PDE8B: variants seen among roughly 807,000 people sequenced by gnomAD.
PDE8B encodes the protein high affinity cAMP-specific and IBMX-insensitive 3',5'-cyclic phosphodiesterase 8B.
Under a neutral mutation model 101.3 loss-of-function variants are expected in PDE8B, and 26 were observed. The ratio of observed to expected loss-of-function variants is 0.26; its 90% CI spans 0.19 to 0.36. PDE8B has a LOEUF of 0.36. Among genes scored for constraint, PDE8B ranks in the 10% least tolerant of loss-of-function variants. The pLI is 1.00. For missense variants in PDE8B, 810 were observed against 1,163.1 expected, an observed-to-expected ratio of 0.70 and a Z score of 4.42; for synonymous variants, 424 against 429.3, an observed-to-expected ratio of 0.99 and a Z score of 0.15.
intron 11 of PDE8B, among the ~76,000 whole-genome samples, chr5:77,403,594 T>C (rs1449311118): frequency 2.0e-5 from 3 of 152,118 alleles, no homozygotes; most frequent in Non-Finnish European, 4.4e-5. Context: ...CTATTATTTA[T>C]AGATAATTTT....
chr5:77,174,223 G>A, the PDE8B span, among the ~76,000 whole-genome samples: 1,313 of 152,132 alleles, frequency 8.6e-3, 13 homozygotes, highest in African/African-American at 0.029. Context: ...TCCTTCCTGG[G>A]TGTCAACACA....
At chr5:77,266,775 G>A (rs765311345) in intron 1 of PDE8B, among the ~76,000 whole-genome samples, 28 of 152,188 alleles carry the variant, frequency 1.8e-4, no homozygotes, top group Non-Finnish European at 3.7e-4. Context: ...TCAACTGTAT[G>A]TCTTTTTCTG....
the PDE8B span, among the ~76,000 whole-genome samples, chr5:77,177,927 G>T: frequency 0.012 from 1,784 of 152,248 alleles, 10 homozygotes; most frequent in Middle Eastern, 0.044. Context: ...GTTGACTGTG[G>T]GTCACTGAAT....
the PDE8B span, chr5:77,147,056 C>T: frequency 4.6e-6 from 2 of 437,064 alleles, no homozygotes; most frequent in Non-Finnish European, 8.9e-6. Context: ...TTGCCTCATA[C>T]TGAGCTAAAG....
chr5:77,229,807 A>G (rs1753176784), intron 1 of PDE8B, among the ~76,000 whole-genome samples: 1 of 152,216 alleles, frequency 6.6e-6, no homozygotes, highest in Non-Finnish European at 1.5e-5. Context: ...ATTTCATTGT[A>G]TGGATATACT....
At chr5:77,291,128 TC>T in intron 1 of PDE8B, 1 of 1,610,990 alleles carries the variant, frequency 6.2e-7, no homozygotes, top group South Asian at 1.1e-5. Context: ...GCTTAGTTGT[TC>T]CATCAGCTCT....
chr5:77,344,864 C>T lies in PDE8B; in HGVS notation c.809C>T (p.Ser270Leu). 6.2e-7 allele frequency: 1 copy of T among 1,600,626 alleles called. No individual in the cohort carries two copies. The highest frequency in any genetic ancestry group is 8.6e-7 in the Non-Finnish European group (1 of 1,167,706). Reference protein sequence around the residue: ...RSQFKLRACNSVFTALDHCHE... With the variant: ...RSQFKLRACNLVFTALDHCHE... Reference sequence around the variant, plus strand: ...TTTATAACTTTCAGGGCCTGTAATTCAGTGTTTACAGCATTAGATCACTGT... The same window carrying T: ...TTTATAACTTTCAGGGCCTGTAATTTAGTGTTTACAGCATTAGATCACTGT... Residue 270 changes from serine (S) to leucine (L), a missense_variant, in exon 7 of 22, where the codon TCA (serine) becomes TTA (leucine). Transcript: ENST00000264917.
At chr5:77,204,459 A>G in the PDE8B span, among the ~76,000 whole-genome samples, 34 of 152,118 alleles carry the variant, frequency 2.2e-4, no homozygotes, top group Admixed American at 7.2e-4. Context: ...AAACAACAAT[A>G]TTTTTTGCAA....
intron 1 of PDE8B, among the ~76,000 whole-genome samples, chr5:77,227,472 G>A (rs543490153): frequency 4.4e-4 from 67 of 152,064 alleles, no homozygotes; most frequent in Non-Finnish European, 4.9e-4. Flanking sequence ...GGGTGGGGCA[G>A]GAGAAGAAAG....
chr5:77,184,009 C>T, the PDE8B span, among the ~76,000 whole-genome samples: 1 of 151,878 alleles, frequency 6.6e-6, no homozygotes, highest in Admixed American at 6.6e-5. Context: ...CCTCTGTTGT[C>T]CAGGCTGGAG....
the PDE8B span, among the ~76,000 whole-genome samples, chr5:77,131,393 G>A: frequency 6.6e-6 from 1 of 152,238 alleles, no homozygotes; most frequent in South Asian, 2.1e-4. Flanking sequence ...TTCCACCCAC[G>A]TTCCAGGATG....
intron 1 of PDE8B, among the ~76,000 whole-genome samples, chr5:77,301,912 G>A (rs1286453096): frequency 4.6e-5 from 7 of 151,978 alleles, no homozygotes; most frequent in Admixed American, 6.6e-5. Flanking sequence ...GTTTTGTTTT[G>A]TTTTCCTCCT....
intron 10 of PDE8B, among the ~76,000 whole-genome samples, chr5:77,382,759 T>G (rs1787742275): frequency 6.6e-6 from 1 of 152,220 alleles, no homozygotes; most frequent in Non-Finnish European, 1.5e-5. Context: ...GCAGAGGACA[T>G]GAACTCATCC....
chr5:77,175,380 AAGCTTT>A, the PDE8B span, among the ~76,000 whole-genome samples: 2 of 152,160 alleles, frequency 1.3e-5, no homozygotes, highest in African/African-American at 4.8e-5. Flanking sequence ...TGAACTCACC[AAGCTTT>A]TTCCTGCCTT....
At chr5:77,421,592 CTGTG>C (rs138121683) in intron 19 of PDE8B, among the ~76,000 whole-genome samples, 5 of 151,510 alleles carry the variant, frequency 3.3e-5, no homozygotes, top group East Asian at 3.9e-4. Flanking sequence ...CTTTCAAACT[CTGTG>C]TGTGTGTGTA....
intron 1 of PDE8B, among the ~76,000 whole-genome samples, chr5:77,286,568 C>T (rs1476855620): frequency 6.6e-6 from 1 of 150,700 alleles, no homozygotes; most frequent in African/African-American, 2.4e-5. Flanking sequence ...CGCTCCAGAG[C>T]CCTTAGGTTG....
At position 77,301,615 on chromosome 5, in the gene PDE8B, C is replaced by T. The variant is rs574942808; in HGVS notation, c.340-10379C>T. On this transcript the variant is annotated intron_variant, in intron 1 of 21. Coordinates refer to ENST00000264917, the MANE Select transcript of PDE8B (RefSeq NM_003719.5). ...GTAATTTTACATGCTTGAAGTCATC[C>T]GGCAGTGTCTATTATCAGTGGTATC... 1.2e-4 allele frequency among the ~76,000 whole-genome samples: 18 copies of T among 152,260 alleles called. No individual in the cohort carries two copies. In the East Asian group the frequency reaches 1.4e-3, roughly 11 times the overall value.
At chr5:77,360,101 A>G (rs554228655) in intron 10 of PDE8B, among the ~76,000 whole-genome samples, 49 of 152,270 alleles carry the variant, frequency 3.2e-4, no homozygotes, top group Middle Eastern at 3.4e-3. Flanking sequence ...AAAAAAAAAA[A>G]AAAGAAAGAA....
At chr5:77,212,061 A>G (rs1464222365) in intron 1 of PDE8B, among the ~76,000 whole-genome samples, 1 of 152,222 alleles carries the variant, frequency 6.6e-6, no homozygotes, top group Non-Finnish European at 1.5e-5. Flanking sequence ...CAGTCGCTAA[A>G]TATTTATTTC....
Sources: gnomAD v4.1 joint callset for allele counts (sites outside exome capture counted in the v4.1 genomes callset) on GRCh38, gnomAD v4.1.1 for gene constraint, MANE v1.5 for transcripts, NCBI Gene and HGNC (gene_info 2026-07-23, HGNC 2026-07-21) for gene names.